PXK: variants seen among roughly 807,000 people sequenced by gnomAD.
PXK encodes PX domain-containing protein kinase-like protein.
Under a neutral mutation model 84.7 loss-of-function variants are expected in PXK, and 35 were observed. The ratio of observed to expected loss-of-function variants is 0.41; its 90% CI spans 0.32 to 0.55. The LOEUF is 0.55. Among genes scored for constraint, PXK ranks in the 20% least tolerant of loss-of-function variants. The probability of loss-of-function intolerance (pLI) is 0.21; values close to 1 mark genes in which losing one functional copy is unlikely to be tolerated. For missense variants in PXK, 634 were observed against 699.7 expected (o/e 0.91, Z 1.06); for synonymous variants, 253 against 260.8 (o/e 0.97, Z 0.29).
At position 58,421,192 on chromosome 3, in the gene PXK, A is replaced by T; in HGVS notation, c.1529-3560A>T. ...GTTACCCTAGTGTGGTCTCATGGCC[A>T]CTTGGCCTCCCTTCCTGTATGTGAC... On this transcript the variant is annotated intron_variant, in intron 17 of 17. Transcript: ENST00000356151. This position sits in a 1 kb window ranked among gnomAD's most constrained non-coding sequence, Gnocchi z 5.5. 1.0e-6 allele frequency: 1 copy of T among 985,364 alleles called. No homozygotes were observed. Among genetic ancestry groups the T allele is most frequent in the Non-Finnish European group, 1.2e-6 (1 of 829,920 alleles). 61.0% of individuals were successfully genotyped at this position (985,364 alleles called of 1,614,324 possible). A position where few individuals can be genotyped will look rare whatever the true frequency, so the allele number is the denominator to read the frequency against.
At chr3:58,339,981 A>AT (rs1298227414) in intron 1 of PXK, among the ~76,000 whole-genome samples, 49 of 150,874 alleles carry the variant, frequency 3.2e-4, no homozygotes, top group African/African-American at 1.2e-3. Flanking sequence ...TGCCTGGCTA[A>AT]TTTTTTTTGT....
intron 1 of PXK, among the ~76,000 whole-genome samples, chr3:58,360,404 T>G (rs1376295709): frequency 2.0e-5 from 3 of 152,222 alleles, no homozygotes; most frequent in African/African-American, 7.2e-5. Flanking sequence ...TCATTTGGCT[T>G]TATTTTCTAA....
intron 7 of PXK, among the ~76,000 whole-genome samples, chr3:58,393,594 A>T (rs1022321698): frequency 6.6e-6 from 1 of 152,168 alleles, no homozygotes; most frequent in African/African-American, 2.4e-5. Flanking sequence ...TAGTTTACTC[A>T]ATCTTCTATT....
chr3:58,404,318 T>C (rs962864189), intron 13 of PXK, among the ~76,000 whole-genome samples: 1 of 152,186 alleles, frequency 6.6e-6, no homozygotes, highest in Non-Finnish European at 1.5e-5. Flanking sequence ...ATATTAGCTG[T>C]TATCTACAGC....
intron 1 of PXK, among the ~76,000 whole-genome samples, chr3:58,365,542 C>A (rs574120207): frequency 1.3e-5 from 2 of 152,246 alleles, no homozygotes; most frequent in East Asian, 3.9e-4. Flanking sequence ...AGTTGGTGTT[C>A]TGTTTAGTTG....
chr3:58,382,802 G>A, intron 4 of PXK, 102 bp downstream of exon 4: 1 of 877,858 alleles, frequency 1.1e-6, no homozygotes, highest in South Asian at 2.9e-5. Context: ...AAATGGGGAT[G>A]TGTATACATT....
At chr3:58,413,321 C>T in intron 17 of PXK, 1 of 276,790 alleles carries the variant, frequency 3.6e-6, no homozygotes, top group Non-Finnish European at 7.0e-6. Flanking sequence ...TCCTGCCAGG[C>T]CTCTCTCCTC....
intron 1 of PXK, among the ~76,000 whole-genome samples, chr3:58,347,627 G>C (rs776564002): frequency 5.9e-5 from 9 of 152,010 alleles, no homozygotes; most frequent in Non-Finnish European, 1.2e-4. Flanking sequence ...TTCACCAGTT[G>C]GTAGATATTT....
In PXK at chr3:58,333,875, C is replaced by T. The variant is rs1321770244; in HGVS notation, c.102+785C>T. ...CCGTGGTTGTTTTCATTTGCTTGTA[C>T]CTTTTTTTTTTTTTGAAAGGCCCAC... On this transcript the variant is annotated intron_variant, in intron 1 of 17. Coordinates refer to ENST00000356151, the MANE Select transcript of PXK (RefSeq NM_017771.5). This position sits in a 1 kb window ranked among gnomAD's most constrained non-coding sequence, Gnocchi z 5.4. Among the ~76,000 whole-genome samples, 1 of 147,910 alleles carries T rather than the reference C, an allele frequency of 6.8e-6. No individual in the cohort carries two copies. Among genetic ancestry groups the T allele is most frequent in the East Asian group, 1.9e-4 (1 of 5,174 alleles).
chr3:58,385,074 GCTT>G lies in PXK; in HGVS notation c.388+2375_388+2377del, dbSNP rs1362296634. ...CTATTCTGACAGTTGTTGGTTCTCT[GCTT>G]TTTTCTGTACCTGCCCCACATGCTG... On this transcript the variant is annotated intron_variant, in intron 4 of 17. Coordinates refer to ENST00000356151, the MANE Select transcript of PXK (RefSeq NM_017771.5). This position sits in a 1 kb window ranked among gnomAD's most constrained non-coding sequence, Gnocchi z 5.1. Among the ~76,000 whole-genome samples, 1 of 152,122 alleles carries G rather than the reference GCTT, an allele frequency of 6.6e-6. No homozygotes were observed. Among genetic ancestry groups the G allele is most frequent in the Non-Finnish European group, 1.5e-5 (1 of 68,032 alleles).
chr3:58,357,809 G>A lies in PXK; in HGVS notation c.103-8065G>A, dbSNP rs547209712. Among the ~76,000 whole-genome samples the A allele has an allele frequency of 3.3e-5, 5 of 152,210 alleles. No individual in the cohort carries two copies. The East Asian group carries it at 9.7e-4, about 29-fold the overall frequency. On this transcript the variant is annotated intron_variant, in intron 1 of 17. Transcript: ENST00000356151. Reference sequence around the variant, plus strand: ...TACTAAAAATACAAAAATTAGCCTGGCTTGGTGGTGGGCACCTGTAATCCC... The same window carrying A: ...TACTAAAAATACAAAAATTAGCCTGACTTGGTGGTGGGCACCTGTAATCCC...
chr3:58,408,171 A>T (rs2059667187), intron 13 of PXK, among the ~76,000 whole-genome samples: 1 of 152,160 alleles, frequency 6.6e-6, no homozygotes, highest in African/African-American at 2.4e-5. Context: ...GTCAAAGATT[A>T]TTTGACCATA....
At chr3:58,372,468 G>C (rs1390981350) in intron 3 of PXK, among the ~76,000 whole-genome samples, 1 of 149,088 alleles carries the variant, frequency 6.7e-6, no homozygotes, top group Non-Finnish European at 1.5e-5. Context: ...GACTACAGGC[G>C]CCCGCCACCA....
At chr3:58,420,500 G>A in intron 17 of PXK, 2 of 1,535,042 alleles carry the variant, frequency 1.3e-6, no homozygotes, top group African/African-American at 1.4e-5. Flanking sequence ...AATGACTTGT[G>A]TCCCCCCTTT....
At position 58,409,118 on chromosome 3, in the gene PXK, G is replaced by T. The variant is rs528668411; in HGVS notation, c.1308+117G>T. On this transcript the variant is annotated intron_variant, in intron 14 of 17. Transcript: ENST00000356151. This position sits in a 1 kb window ranked among gnomAD's most constrained non-coding sequence, Gnocchi z 4.2. ...AATATTTTAAGCATACTTACTCTCA[G>T]CCAGCCTTTAGGCTAAATGCTTCCC... 434 of 790,832 alleles carry T rather than the reference G, an allele frequency of 5.5e-4. 6 individuals are homozygous for T. The South Asian group carries it at 7.3e-3, about 13-fold the overall frequency. The allele number at this position is 790,832 out of a possible 1,614,324, so 49.0% of individuals were successfully genotyped here.
Position 58,398,089 on chromosome 3 carries a change from A to G in PXK, c.1102+367A>G, listed in dbSNP as rs1360478402. ...GGCAGGTGTCAGACGTCAGATCAAG[A>G]CTGAAGTGAGACTTGTAAGAAACAA... On this transcript the variant is annotated intron_variant, in intron 11 of 17. Transcript: ENST00000356151. The surrounding 1 kb of genome is among the most constrained non-coding windows in gnomAD (Gnocchi z 4.5). 2.0e-5 allele frequency among the ~76,000 whole-genome samples: 3 copies of G among 152,174 alleles called. No individual in the cohort carries two copies. The highest frequency in any genetic ancestry group is 7.2e-5 in the African/African-American group (3 of 41,440).
intron 1 of PXK, among the ~76,000 whole-genome samples, chr3:58,358,856 C>T (rs544737772): frequency 1.3e-3 from 197 of 152,294 alleles, no homozygotes; most frequent in African/African-American, 3.9e-3. Context: ...GACATCAGGA[C>T]GCAGGCATTG....
chr3:58,368,059 A>T (rs1239475959), intron 2 of PXK, among the ~76,000 whole-genome samples: 1 of 151,752 alleles, frequency 6.6e-6, no homozygotes. Context: ...CTGGTCTTTA[A>T]CTCCTAAGCT....
At chr3:58,374,238 C>T (rs1314391235) in intron 3 of PXK, among the ~76,000 whole-genome samples, 5 of 148,640 alleles carry the variant, frequency 3.4e-5, no homozygotes, top group Admixed American at 2.0e-4. Flanking sequence ...GAGCCGAGAT[C>T]GTGCTCACTG....
Sources: allele counts gnomAD v4.1 joint callset (sites outside exome capture counted in the v4.1 genomes callset), GRCh38; gene constraint gnomAD v4.1.1; non-coding constraint Gnocchi (gnomAD v3.1); transcripts MANE v1.5; gene names NCBI Gene and HGNC (gene_info 2026-07-23, HGNC 2026-07-21).